STK24: variants seen among roughly 807,000 people sequenced by gnomAD.
STK24 encodes the protein serine/threonine-protein kinase 24.
In STK24, 21 loss-of-function variants were observed where a neutral mutation model predicts 55.6. The ratio of observed to expected loss-of-function variants is 0.38; its 90% CI spans 0.27 to 0.54. The LOEUF (loss-of-function observed/expected upper bound fraction) is 0.54. STK24 is among the 20% of genes least tolerant of loss of function. The pLI is 0.79. For synonymous variants in STK24, 200 were observed against 215.2 expected (o/e 0.93, Z 0.62); for missense variants, 383 against 538.4 (o/e 0.71, Z 2.86).
chr13:98,555,727 C>G (rs1897273442), intron 1 of STK24, among the ~76,000 whole-genome samples: 4 of 123,880 alleles, frequency 3.2e-5, no homozygotes, highest in Non-Finnish European at 6.6e-5. Context: ...GTCACCCAGA[C>G]TGGAGTGCAG....
In STK24 at chr13:98,449,287, A is replaced by ATTCTC. The variant is rs1306201286; in HGVS notation, c.*3881_*3885dup. The ATTCTC allele has an allele frequency of 5.3e-5, 8 of 152,252 alleles. No individual in the cohort carries two copies. The highest frequency in any genetic ancestry group is 1.7e-4 in the African/African-American group (7 of 41,522). 9.4% of individuals were successfully genotyped at this position (152,252 alleles called of 1,614,324 possible). On this transcript the variant is annotated 3_prime_UTR_variant, in exon 11 of 11. Coordinates refer to ENST00000539966, the MANE Select transcript of STK24 (RefSeq NM_001032296.4). ...CTGCAACTGTGGTTTGAAACTGCGCATTCTCTAGTAGTATATATCGTGCCT... is the reference window on the plus strand; with the variant it reads ...CTGCAACTGTGGTTTGAAACTGCGCATTCTCTTCTCTAGTAGTATATATCGTGCCT...
chr13:98,541,297 C>G (rs1297888706), intron 1 of STK24, among the ~76,000 whole-genome samples: 2 of 152,174 alleles, frequency 1.3e-5, no homozygotes, highest in African/African-American at 2.4e-5. Flanking sequence ...TCATCTGCAT[C>G]TCATTATTGG....
rs572109708 is a variant in STK24, at chr13:98,555,456, G to A, written c.42+21289C>T. 7.6e-4 allele frequency among the ~76,000 whole-genome samples: 115 copies of A among 151,930 alleles called. No homozygotes were observed. The South Asian group carries it at 0.014, about 18-fold the overall frequency. On this transcript the variant is annotated intron_variant, in intron 1 of 10. Transcript: ENST00000539966. ...TAGCCAGGCATGGTGGCGGGCGCCT[G>A]TAGTCCCAGCTACTCGGGAGGCTGA...
At chr13:98,458,395 C>A (rs1034588202) in intron 9 of STK24, among the ~76,000 whole-genome samples, 3 of 152,194 alleles carry the variant, frequency 2.0e-5, no homozygotes, top group Non-Finnish European at 4.4e-5. Context: ...TTGTTGAACA[C>A]ATGCTGTCAT....
chr13:98,519,789 T>C (rs1319425980), intron 1 of STK24, among the ~76,000 whole-genome samples: 14 of 152,216 alleles, frequency 9.2e-5, no homozygotes, highest in Admixed American at 7.9e-4. Context: ...TAAGCACTTA[T>C]TGGAATGTTA....
chr13:98,521,707 A>G, intron 1 of STK24: 1 of 757,638 alleles, frequency 1.3e-6, no homozygotes, highest in Non-Finnish European at 2.5e-6. Flanking sequence ...ATCCTTTTTT[A>G]GCTATAATGA....
In STK24 at chr13:98,474,935, C is replaced by T. The variant is rs759142005; in HGVS notation, c.483G>A (p.Ala161=). ...TCAGCTGGCCAGCCACGCCAAAGTCCGCCAGCTTCACCTCGCCATGCTCAG... is the reference window on the plus strand; with the variant it reads ...TCAGCTGGCCAGCCACGCCAAAGTCTGCCAGCTTCACCTCGCCATGCTCAG... ...LLSEHGEVKL[A]DFGVAGQLTD... Residue 161 remains alanine, a synonymous_variant, in exon 5 of 11, where the codon GCG becomes GCA. Transcript: ENST00000539966. The T allele has an allele frequency of 1.9e-5, 30 of 1,614,056 alleles. No individual in the cohort carries two copies. Among genetic ancestry groups the T allele is most frequent in the African/African-American group, 2.7e-5 (2 of 75,062 alleles).
chr13:98,473,850 G>GACCTGGGTCTGCAGGGAAAGTC (rs1894261707), intron 5 of STK24, among the ~76,000 whole-genome samples: 1 of 152,230 alleles, frequency 6.6e-6, no homozygotes, highest in Non-Finnish European at 1.5e-5. Flanking sequence ...TTGCAACGGT[G>GACCTGGGTCTGCAGGGAAAGTC]ACCTGGGTCT....
intron 2 of STK24, among the ~76,000 whole-genome samples, chr13:98,518,426 C>T (rs1247568809): frequency 6.6e-6 from 1 of 152,174 alleles, no homozygotes; most frequent in East Asian, 1.9e-4. Flanking sequence ...TCATTTCTTT[C>T]TTCATAGTTC....
At chr13:98,519,815 T>C (rs1244237118) in intron 1 of STK24, among the ~76,000 whole-genome samples, 3 of 152,238 alleles carry the variant, frequency 2.0e-5, no homozygotes, top group Admixed American at 6.5e-5. Context: ...CACAGACTTA[T>C]CGAAAAATCA....
chr13:98,453,355 A>G (rs1306237111), intron 10 of STK24, 146 bp from the exon 11 acceptor site: 2 of 789,428 alleles, frequency 2.5e-6, no homozygotes, highest in African/African-American at 3.5e-5. Context: ...TGTAAGTCTA[A>G]TTTTAAAAGA....
chr13:98,556,252 G>A (rs568384908), intron 1 of STK24, among the ~76,000 whole-genome samples: 31 of 152,190 alleles, frequency 2.0e-4, no homozygotes, highest in Non-Finnish European at 4.6e-4. Context: ...GACTATGCTA[G>A]GACGCTCAGC....
chr13:98,575,822 C>G (rs1465036470), intron 1 of STK24, among the ~76,000 whole-genome samples: 1 of 152,158 alleles, frequency 6.6e-6, no homozygotes, highest in Non-Finnish European at 1.5e-5. Context: ...TCTGCGCCTA[C>G]AAAGTTTACA....
In STK24 at chr13:98,446,788, C is replaced by A; in HGVS notation, c.*6385G>T. 6.2e-7 allele frequency: 1 copy of A among 1,614,206 alleles called. No homozygotes were observed. Among genetic ancestry groups the A allele is most frequent in the East Asian group, 2.2e-5 (1 of 44,868 alleles). On this transcript the variant is annotated 3_prime_UTR_variant, in exon 11 of 11. Coordinates refer to ENST00000539966, the MANE Select transcript of STK24 (RefSeq NM_001032296.4). ...ACTTCAAGTCCCACGTCTACTACTT[C>A]AGGGCGGAAAGCGAGTACACGTTCG...
At chr13:98,475,804 G>C (rs575574384) in intron 3 of STK24, among the ~76,000 whole-genome samples, 1 of 152,314 alleles carries the variant, frequency 6.6e-6, no homozygotes, top group South Asian at 2.1e-4. Context: ...GAACAGCCAA[G>C]AGACAGAGCA....
chr13:98,533,388 T>A (rs1249001920), intron 1 of STK24, among the ~76,000 whole-genome samples: 1 of 150,526 alleles, frequency 6.6e-6, no homozygotes, highest in African/African-American at 2.5e-5. Flanking sequence ...ATTTCCTAAA[T>A]CTCCTAAAGA....
At chr13:98,498,704 T>C (rs1268248815) in intron 2 of STK24, among the ~76,000 whole-genome samples, 4 of 152,108 alleles carry the variant, frequency 2.6e-5, no homozygotes, top group Non-Finnish European at 5.9e-5. Context: ...TCTTTGTCCC[T>C]CCTCCCCTGC....
chr13:98,522,066 C>T (rs552253307), intron 1 of STK24: 41 of 1,382,732 alleles, frequency 3.0e-5, no homozygotes, highest in Non-Finnish European at 3.8e-5. Context: ...CCCGGTCCTC[C>T]CCACCACTGC....
chr13:98,446,541 C>A lies in STK24; in HGVS notation c.*6632G>T, dbSNP rs1892847601. On this transcript the variant is annotated 3_prime_UTR_variant, in exon 11 of 11. Coordinates refer to ENST00000539966, the MANE Select transcript of STK24 (RefSeq NM_001032296.4). ...CAAACACTGGCTGCCATGGTCCCTTCCAGGCCCACGCCCGAGGAGGGAGCT... is the reference window on the plus strand; with the variant it reads ...CAAACACTGGCTGCCATGGTCCCTTACAGGCCCACGCCCGAGGAGGGAGCT... 1.0e-5 allele frequency: 10 copies of A among 988,418 alleles called. No individual in the cohort carries two copies. The South Asian group carries it at 1.3e-4, about 13-fold the overall frequency. The allele number at this position is 988,418 out of a possible 1,614,324, so 61.2% of individuals were successfully genotyped here. A position where few individuals can be genotyped will look rare whatever the true frequency, so the allele number is the denominator to read the frequency against.
Sources: allele counts gnomAD v4.1 joint callset (sites outside exome capture counted in the v4.1 genomes callset), GRCh38; gene constraint gnomAD v4.1.1; transcripts MANE v1.5; gene names NCBI Gene and HGNC (gene_info 2026-07-23, HGNC 2026-07-21).